The following CTNND2 variants were observed in gnomAD, a reference collection of about 807,000 sequenced individuals.
CTNND2 encodes catenin delta 2, also known as catenin delta-2.
A neutral mutation model predicts 144.4 loss-of-function variants in CTNND2; 22 were observed. That is an observed-to-expected ratio of 0.15 (90% CI 0.11 to 0.22). The LOEUF is 0.22. CTNND2 is among the 10% of genes least tolerant of loss of function. The pLI, the probability that CTNND2 is intolerant of heterozygous loss-of-function variation, is 1.00. For missense variants in CTNND2, 1,353 were observed against 1,618.8 expected (o/e 0.84, Z 2.82); for synonymous variants, 751 against 695.6 (o/e 1.08, Z -1.25).
chr5:11,876,298 G>A (rs1735564691), intron 1 of CTNND2, among the ~76,000 whole-genome samples: 2 of 151,262 alleles, frequency 1.3e-5, no homozygotes, highest in Non-Finnish European at 2.9e-5. Flanking sequence ...AGTGGAAAGG[G>A]GAGAGGCGAG....
intron 2 of CTNND2, among the ~76,000 whole-genome samples, chr5:11,592,758 C>G (rs908417279): frequency 6.6e-6 from 1 of 151,324 alleles, no homozygotes; most frequent in Non-Finnish European, 1.5e-5. Flanking sequence ...ACTTAATGGA[C>G]AGTGGATTCT....
At chr5:11,037,191 C>T (rs1323432329) in intron 16 of CTNND2, among the ~76,000 whole-genome samples, 2 of 152,140 alleles carry the variant, frequency 1.3e-5, no homozygotes, top group Admixed American at 6.5e-5. Context: ...CTCTCATGGC[C>T]GTCACTGACT....
intron 3 of CTNND2, among the ~76,000 whole-genome samples, chr5:11,481,933 C>T (rs10513094): frequency 0.087 from 13,247 of 152,182 alleles, 733 homozygotes; most frequent in Non-Finnish European, 0.13. Flanking sequence ...TTTTTAATTA[C>T]GCCATTTCTT....
intron 2 of CTNND2, among the ~76,000 whole-genome samples, chr5:11,609,268 T>G (rs1370344792): frequency 2.6e-5 from 4 of 152,234 alleles, no homozygotes; most frequent in African/African-American, 9.6e-5. Context: ...TCCCAGTAAG[T>G]CATGTGGTTT....
At chr5:11,615,939 G>A (rs1435894199) in intron 2 of CTNND2, among the ~76,000 whole-genome samples, 2 of 152,160 alleles carry the variant, frequency 1.3e-5, no homozygotes, top group Admixed American at 1.3e-4. Context: ...GGTCATTTTA[G>A]CACCATGAGA....
intron 11 of CTNND2, among the ~76,000 whole-genome samples, chr5:11,192,329 T>C (rs1580544278): frequency 1.3e-5 from 2 of 152,060 alleles, no homozygotes; most frequent in East Asian, 3.9e-4. Flanking sequence ...ATCCAAGGGG[T>C]CTCCATGTGC....
intron 2 of CTNND2, among the ~76,000 whole-genome samples, chr5:11,623,796 ATAT>A (rs1780985189): frequency 1.7e-5 from 1 of 57,440 alleles, no homozygotes; most frequent in African/African-American, 6.5e-5. Flanking sequence ...GTAAATATAT[ATAT>A]GTGTGTATGT....
chr5:11,477,219 T>C (rs1421999202), intron 3 of CTNND2, among the ~76,000 whole-genome samples: 2 of 152,188 alleles, frequency 1.3e-5, no homozygotes, highest in Admixed American at 1.3e-4. Flanking sequence ...AACTATTCAT[T>C]ATTAACTCTC....
At chr5:11,153,468 T>C (rs1387082938) in intron 12 of CTNND2, among the ~76,000 whole-genome samples, 1 of 152,208 alleles carries the variant, frequency 6.6e-6, no homozygotes, top group Non-Finnish European at 1.5e-5. Context: ...CTGTGGCTAA[T>C]GCAAGAGTAA....
At chr5:11,295,888 A>T (rs1268106065) in intron 9 of CTNND2, among the ~76,000 whole-genome samples, 1 of 152,082 alleles carries the variant, frequency 6.6e-6, no homozygotes, top group African/African-American at 2.4e-5. Flanking sequence ...CCCTAGAAGA[A>T]AACCTAGGCA....
rs988411234 is a variant in CTNND2 at position 11,885,369 on chromosome 5, T to C, written c.37+18448A>G. ...GGTCTGTTCACGTTTTCCATGCAAA[T>C]AGAAACCACAAAAGAGCAGAAGTAG... On this transcript the variant is annotated intron_variant, in intron 1 of 21. Transcript: ENST00000304623. Among the ~76,000 whole-genome samples, 5 of 152,228 alleles carry C rather than the reference T, an allele frequency of 3.3e-5. No individual in the cohort carries two copies. The South Asian group carries it at 6.2e-4, about 19-fold the overall frequency.
chr5:11,308,165 G>C (rs756195625), intron 9 of CTNND2, among the ~76,000 whole-genome samples: 14 of 151,962 alleles, frequency 9.2e-5, no homozygotes, highest in Non-Finnish European at 1.8e-4. Flanking sequence ...CAACTGGGCT[G>C]GGACAGTGTT....
At chr5:11,211,080 G>A (rs773262703) in intron 10 of CTNND2, among the ~76,000 whole-genome samples, 4 of 152,180 alleles carry the variant, frequency 2.6e-5, no homozygotes, top group Non-Finnish European at 5.9e-5. Flanking sequence ...ATCAACAACT[G>A]GGTTCTTCTG....
At chr5:11,044,872 CA>C (rs1443397706) in intron 16 of CTNND2, among the ~76,000 whole-genome samples, 1 of 152,242 alleles carries the variant, frequency 6.6e-6, no homozygotes, top group Non-Finnish European at 1.5e-5. Context: ...TGTAGGACTT[CA>C]GGGGTTTCAG....
At chr5:11,481,749 T>C (rs1178547501) in intron 3 of CTNND2, among the ~76,000 whole-genome samples, 2 of 152,114 alleles carry the variant, frequency 1.3e-5, no homozygotes, top group East Asian at 3.9e-4. Context: ...GAGTATTATT[T>C]ATTTGTAATA....
intron 2 of CTNND2, among the ~76,000 whole-genome samples, chr5:11,702,424 G>A (rs1392958059): frequency 6.6e-6 from 1 of 152,176 alleles, no homozygotes; most frequent in East Asian, 1.9e-4. Context: ...CATGAAGGAG[G>A]TGCTCAGACA....
At chr5:11,395,463 C>G (rs947451036) in intron 6 of CTNND2, among the ~76,000 whole-genome samples, 1 of 152,188 alleles carries the variant, frequency 6.6e-6, no homozygotes, top group Non-Finnish European at 1.5e-5. Flanking sequence ...TACCAGTAAC[C>G]TTTGCCTCAA....
At chr5:11,310,582 T>C (rs1350432124) in intron 9 of CTNND2, among the ~76,000 whole-genome samples, 1 of 151,848 alleles carries the variant, frequency 6.6e-6, no homozygotes, top group African/African-American at 2.4e-5. Flanking sequence ...GGAGTTGTCC[T>C]TTACCTTCAA....
At chr5:11,448,504 C>G (rs1054148516) in intron 3 of CTNND2, among the ~76,000 whole-genome samples, 13 of 151,356 alleles carry the variant, frequency 8.6e-5, no homozygotes, top group Admixed American at 5.9e-4. Context: ...TATTGTCTGT[C>G]TGTGTGTGTG....
Sources: gnomAD v4.1 joint callset for allele counts (sites outside exome capture counted in the v4.1 genomes callset) on GRCh38, gnomAD v4.1.1 for gene constraint, MANE v1.5 for transcripts, NCBI Gene and HGNC (gene_info 2026-07-23, HGNC 2026-07-21) for gene names.